ATXN3: variants seen among roughly 807,000 people sequenced by gnomAD.
The protein encoded by ATXN3 is ataxin 3, also known as ataxin-3.
Under a neutral mutation model 58.2 loss-of-function variants are expected in ATXN3, and 28 were observed. The observed-to-expected ratio is 0.48, with a 90% CI of 0.36 to 0.66. ATXN3 has a LOEUF of 0.66. Ranked by LOEUF, ATXN3 falls within the 30% of genes least tolerant of loss-of-function variation. The probability of loss-of-function intolerance (pLI) is 0.00; values close to 1 mark genes in which losing one functional copy is unlikely to be tolerated. For missense variants in ATXN3, 321 were observed against 422.1 expected (o/e 0.76, Z 2.10); for synonymous variants, 113 against 138.5 (o/e 0.82, Z 1.29).
At position 92,083,029 on chromosome 14, in the gene ATXN3, C is replaced by T. The variant is rs929169164; in HGVS notation, c.608+97G>A. On this transcript the variant is annotated intron_variant, in intron 7 of 10. Coordinates refer to ENST00000644486, the MANE Select transcript of ATXN3 (RefSeq NM_004993.6). ...AATATAAGGTCCAAAATAGAGTCGC[C>T]AACAACACAAGGACCACATATTCAA... 2.8e-6 allele frequency: 4 copies of T among 1,423,732 alleles called. No homozygotes were observed. The African/African-American group carries it at 5.8e-5, about 20-fold the overall frequency. 88.2% of individuals were successfully genotyped at this position (1,423,732 alleles called of 1,614,324 possible). A position where few individuals can be genotyped will look rare whatever the true frequency, so the allele number is the denominator to read the frequency against.
rs2065275956 is a variant in ATXN3, at chr14:92,096,523, C to G, written c.189+151G>C. ...CCTGTAATCCCAGCTACTTGGGAGG[C>G]TGAGGCAGGAGAATCGCTTGAACCC... On this transcript the variant is annotated intron_variant, in intron 2 of 10. Transcript: ENST00000644486. 13 of 842,334 alleles carry G rather than the reference C, an allele frequency of 1.5e-5. No individual in the cohort carries two copies. The South Asian group carries it at 2.1e-4, about 14-fold the overall frequency. 52.2% of individuals were successfully genotyped at this position (842,334 alleles called of 1,614,324 possible). A position where few individuals can be genotyped will look rare whatever the true frequency, so the allele number is the denominator to read the frequency against.
chr14:92,095,039 A>C (rs1356768766), intron 3 of ATXN3, among the ~76,000 whole-genome samples: 1 of 152,082 alleles, frequency 6.6e-6, no homozygotes, highest in Non-Finnish European at 1.5e-5. Flanking sequence ...CCCACAGATA[A>C]AAGAATCTTG....
At chr14:92,079,038 T>C (rs550205548) in intron 9 of ATXN3, among the ~76,000 whole-genome samples, 1 of 152,046 alleles carries the variant, frequency 6.6e-6, no homozygotes, top group East Asian at 1.9e-4. Flanking sequence ...ATACAAGAAT[T>C]AGCCAGGCAT....
At chr14:92,058,490 C>T (rs181630218), downstream of ATXN3, 1 of 152,270 alleles carries the variant, frequency 6.6e-6, no homozygotes, top group East Asian at 1.9e-4. Flanking sequence ...AGCCACCAAG[C>T]CCAGCTCTAA....
At chr14:92,071,198 C>T in intron 9 of ATXN3, 145 bp from the exon 10 acceptor site, 1 of 1,236,532 alleles carries the variant, frequency 8.1e-7, no homozygotes, top group Non-Finnish European at 1.1e-6. Flanking sequence ...AGCAGTTAGT[C>T]TGATACAGAT....
chr14:92,098,728 C>T (rs992295155), intron 1 of ATXN3, among the ~76,000 whole-genome samples: 3 of 152,228 alleles, frequency 2.0e-5, no homozygotes, highest in African/African-American at 4.8e-5. Context: ...CTTCATGGAA[C>T]TCTACAGATA....
chr14:92,100,795 C>T (rs577208768), intron 1 of ATXN3, among the ~76,000 whole-genome samples: 3 of 152,258 alleles, frequency 2.0e-5, no homozygotes, highest in East Asian at 1.9e-4. Context: ...TTGTTACTTG[C>T]TGTTTACACA....
upstream of ATXN3, among the ~76,000 whole-genome samples, chr14:92,051,713 C>CTTTTTTTTT (rs1168763514): frequency 4.3e-5 from 3 of 69,692 alleles, no homozygotes; most frequent in Non-Finnish European, 9.2e-5. Context: ...TTCTTCTTTT[C>CTTTTTTTTT]CTTTCTTTTT....
rs2057562008 is a variant in ATXN3, at chr14:92,059,037, C to T, written c.*5283G>A. 6.6e-6 allele frequency: 1 copy of T among 151,580 alleles called. No homozygotes were observed. Among genetic ancestry groups the T allele is most frequent in the South Asian group, 2.1e-4 (1 of 4,818 alleles). 9.4% of individuals were successfully genotyped at this position (151,580 alleles called of 1,614,324 possible). On this transcript the variant is annotated 3_prime_UTR_variant, in exon 11 of 11. Transcript: ENST00000644486. ...GCTTCCTAAATGCATCAGGAATATC[C>T]ATTTATATTTTACTAATGTTTCTCA...
intron 6 of ATXN3, among the ~76,000 whole-genome samples, chr14:92,084,816 G>A (rs896368831): frequency 2.6e-5 from 4 of 151,938 alleles, no homozygotes. Flanking sequence ...CTGACCTCAG[G>A]TGATCTGCCC....
chr14:92,082,877 T>C (rs1205424927), intron 7 of ATXN3, among the ~76,000 whole-genome samples: 1 of 152,082 alleles, frequency 6.6e-6, no homozygotes, highest in Non-Finnish European at 1.5e-5. Context: ...CTCGAACTCC[T>C]GGGTTGAAGC....
intron 4 of ATXN3, 27 bp from the exon 5 acceptor site, chr14:92,093,345 C>T: frequency 8.9e-7 from 1 of 1,118,868 alleles, no homozygotes; most frequent in Non-Finnish European, 1.3e-6. Flanking sequence ...ACAATATTAA[C>T]TTGAAATATT....
intron 10 of ATXN3, among the ~76,000 whole-genome samples, chr14:92,067,652 C>T (rs907254210): frequency 2.0e-5 from 3 of 152,250 alleles, no homozygotes; most frequent in African/African-American, 4.8e-5. Flanking sequence ...CCACCTTGGC[C>T]TCCCAAAGTG....
chr14:92,093,622 A>T, intron 4 of ATXN3, 124 bp downstream of exon 4: 1 of 776,814 alleles, frequency 1.3e-6, no homozygotes, highest in Non-Finnish European at 2.1e-6. Context: ...GGAAAGTCTG[A>T]GTGAATGAAA....
At chr14:92,085,330 G>T (rs547354686) in intron 6 of ATXN3, among the ~76,000 whole-genome samples, 79 of 152,074 alleles carry the variant, frequency 5.2e-4, no homozygotes, top group Middle Eastern at 3.4e-3. Flanking sequence ...GGGACTACAG[G>T]TGCACAACAC....
chr14:92,057,227 C>A (rs1169038811), downstream of ATXN3, among the ~76,000 whole-genome samples: 1 of 152,182 alleles, frequency 6.6e-6, no homozygotes, highest in Non-Finnish European at 1.5e-5. Flanking sequence ...ACCTTCCTGG[C>A]CAACATGGTG....
At chr14:92,076,321 G>T (rs753984051) in intron 9 of ATXN3, among the ~76,000 whole-genome samples, 2 of 151,850 alleles carry the variant, frequency 1.3e-5, no homozygotes, top group Non-Finnish European at 2.9e-5. Context: ...GGTGGCATGC[G>T]CCTGTAATCC....
chr14:92,051,863 G>T (rs1410689040), upstream of ATXN3, among the ~76,000 whole-genome samples: 5 of 150,604 alleles, frequency 3.3e-5, no homozygotes, highest in African/African-American at 1.2e-4. Flanking sequence ...TAGTAGCTGG[G>T]ATTACAGGCA....
intron 9 of ATXN3, among the ~76,000 whole-genome samples, chr14:92,073,152 A>G (rs543022880): frequency 6.6e-6 from 1 of 152,330 alleles, no homozygotes; most frequent in South Asian, 2.1e-4. Flanking sequence ...GTGACAGGTG[A>G]GATAGCAATT....
Sources: gnomAD v4.1 joint callset for allele counts (sites outside exome capture counted in the v4.1 genomes callset) on GRCh38, gnomAD v4.1.1 for gene constraint, MANE v1.5 for transcripts, NCBI Gene and HGNC (gene_info 2026-07-23, HGNC 2026-07-21) for gene names.